ROBO1: variants seen among roughly 807,000 people sequenced by gnomAD.
The protein encoded by ROBO1 is roundabout guidance receptor 1, also known as roundabout homolog 1.
Under a neutral mutation model 195.9 loss-of-function variants are expected in ROBO1, and 149 were observed. The ratio of observed to expected loss-of-function variants is 0.76; its 90% CI spans 0.67 to 0.87. The LOEUF (loss-of-function observed/expected upper bound fraction) is 0.87, where lower values mean the gene tolerates loss of function less well. ROBO1 is among the 40% of genes least tolerant of loss of function. The probability of loss-of-function intolerance (pLI) is 0.00; values close to 1 mark genes in which losing one functional copy is unlikely to be tolerated. For synonymous variants in ROBO1, 816 were observed against 733.2 expected, an observed-to-expected ratio of 1.11 and a Z score of -1.82; for missense variants, 1,933 against 2,068.3, an observed-to-expected ratio of 0.93 and a Z score of 1.27.
At chr3:79,078,735 A>G (rs2079218746) in intron 3 of ROBO1, among the ~76,000 whole-genome samples, 2 of 151,802 alleles carry the variant, frequency 1.3e-5, no homozygotes, top group African/African-American at 4.8e-5. Context: ...CTTTCCATAT[A>G]TCACTACATT....
At chr3:79,551,020 C>G (rs1942489787) in intron 2 of ROBO1, among the ~76,000 whole-genome samples, 1 of 152,120 alleles carries the variant, frequency 6.6e-6, no homozygotes, top group South Asian at 2.1e-4. Context: ...CTCAGCTTTT[C>G]TATGCCCTTC....
chr3:78,629,736 C>T (rs375070588), intron 25 of ROBO1, among the ~76,000 whole-genome samples: 21 of 152,130 alleles, frequency 1.4e-4, no homozygotes, highest in Middle Eastern at 3.4e-3. Context: ...TCTGCAAATT[C>T]GCTGACTTGG....
chr3:79,352,560 C>T (rs763247265), intron 2 of ROBO1, among the ~76,000 whole-genome samples: 5 of 152,142 alleles, frequency 3.3e-5, no homozygotes, highest in Non-Finnish European at 7.4e-5. Flanking sequence ...TTTAATCACA[C>T]GTAGAGCTTC....
chr3:78,954,288 T>TAA (rs1473263962), intron 3 of ROBO1, among the ~76,000 whole-genome samples: 1 of 152,052 alleles, frequency 6.6e-6, no homozygotes, highest in Non-Finnish European at 1.5e-5. Flanking sequence ...ATCCACTGAG[T>TAA]AAATGTATTG....
At chr3:78,754,728 C>T (rs76507765) in intron 4 of ROBO1, among the ~76,000 whole-genome samples, 3,838 of 152,212 alleles carry the variant, frequency 0.025, 65 homozygotes, top group Non-Finnish European at 0.04. Context: ...CAAATAAACA[C>T]ATACATATAC....
chr3:79,066,086 T>C (rs1456879131), intron 3 of ROBO1, among the ~76,000 whole-genome samples: 6 of 151,810 alleles, frequency 4.0e-5, no homozygotes, highest in South Asian at 2.1e-4. Context: ...TTACAGAAAA[T>C]ACAGAGTTCA....
intron 2 of ROBO1, among the ~76,000 whole-genome samples, chr3:79,318,264 A>G (rs1464316699): frequency 6.6e-6 from 1 of 152,208 alleles, no homozygotes; most frequent in Non-Finnish European, 1.5e-5. Flanking sequence ...TGGGCTCCCT[A>G]TGGTTCAGCA....
intron 2 of ROBO1, among the ~76,000 whole-genome samples, chr3:79,146,758 T>C (rs1054880925): frequency 2.6e-5 from 4 of 151,866 alleles, no homozygotes; most frequent in Admixed American, 6.6e-5. Context: ...TAGGACAAAA[T>C]AGAAAATGCT....
chr3:79,425,916 G>A (rs975160429), intron 2 of ROBO1, among the ~76,000 whole-genome samples: 2 of 152,092 alleles, frequency 1.3e-5, no homozygotes, highest in African/African-American at 4.8e-5. Flanking sequence ...GTATATATCT[G>A]TTCTCATTCC....
At chr3:78,628,480 C>T (rs1258940006) in intron 25 of ROBO1, among the ~76,000 whole-genome samples, 4 of 152,104 alleles carry the variant, frequency 2.6e-5, no homozygotes, top group East Asian at 1.9e-4. Flanking sequence ...GTGGGAAGCA[C>T]GATGGATCTG....
In ROBO1 at chr3:78,844,453, G is replaced by A. The variant is rs151050095; in HGVS notation, c.499+94148C>T. On this transcript the variant is annotated intron_variant, in intron 4 of 30. Coordinates refer to ENST00000464233, the MANE Select transcript of ROBO1 (RefSeq NM_002941.4). The stretch of plus-strand genomic sequence containing the variant: ...TTAGAAAAGAAGTTTGTGATATGCC[G>A]TAATTTTACAGGAACAAACAAAAGG... Among the ~76,000 whole-genome samples, 790 of 152,094 alleles carry A rather than the reference G, an allele frequency of 5.2e-3. 9 individuals are homozygous for A. Among genetic ancestry groups the A allele is most frequent in the African/African-American group, 0.017 (716 of 41,518 alleles).
chr3:78,661,982 T>C lies in ROBO1; in HGVS notation c.2088+11A>G. 6.2e-7 allele frequency: 1 copy of C among 1,605,110 alleles called. No homozygotes were observed. Among genetic ancestry groups the C allele is most frequent in the Non-Finnish European group, 8.5e-7 (1 of 1,176,350 alleles). On this transcript the variant is annotated intron_variant, in intron 15 of 30. Coordinates refer to ENST00000464233, the MANE Select transcript of ROBO1 (RefSeq NM_002941.4). ...TTATTAAAACTGAGATCAAATATTG[T>C]AACAACTCACTGTCCAGTGCACTTC...
intron 3 of ROBO1, among the ~76,000 whole-genome samples, chr3:79,032,569 C>G (rs1014645457): frequency 6.6e-6 from 1 of 151,938 alleles, no homozygotes; most frequent in South Asian, 2.1e-4. Context: ...GCAATAGAAT[C>G]TCTCTCTATA....
chr3:79,346,483 GAACCTATT>G (rs1336105243), intron 2 of ROBO1, among the ~76,000 whole-genome samples: 3 of 151,930 alleles, frequency 2.0e-5, no homozygotes, highest in African/African-American at 7.3e-5. Context: ...GGTTTTATCA[GAACCTATT>G]AACTCTTTAA....
intron 2 of ROBO1, among the ~76,000 whole-genome samples, chr3:79,523,310 A>C (rs1941288312): frequency 6.6e-6 from 1 of 152,034 alleles, no homozygotes; most frequent in South Asian, 2.1e-4. Flanking sequence ...AATTGGCTAG[A>C]CTTAATCATT....
At chr3:79,605,838 A>C (rs773235104) in intron 1 of ROBO1, among the ~76,000 whole-genome samples, 41 of 152,060 alleles carry the variant, frequency 2.7e-4, no homozygotes, top group Non-Finnish European at 3.2e-4. Context: ...TCGCCTAACC[A>C]GTTCCTCCAT....
chr3:79,118,863 CAAAAAA>C (rs532805479), intron 3 of ROBO1, among the ~76,000 whole-genome samples: 1 of 69,690 alleles, frequency 1.4e-5, no homozygotes, highest in Admixed American at 1.7e-4. Flanking sequence ...GACTCCAACT[CAAAAAA>C]AAAAAAAAAA....
intron 5 of ROBO1, among the ~76,000 whole-genome samples, chr3:78,745,043 C>T (rs1333310813): frequency 1.3e-5 from 2 of 152,098 alleles, no homozygotes; most frequent in African/African-American, 2.4e-5. Context: ...GGCGTGGTGG[C>T]TCATGCCTGT....
intron 2 of ROBO1, among the ~76,000 whole-genome samples, chr3:79,555,366 C>T (rs766821728): frequency 2.6e-5 from 4 of 151,984 alleles, no homozygotes; most frequent in Non-Finnish European, 4.4e-5. Context: ...ATTCAAACTA[C>T]AAGAAGCATA....
Sources: allele counts gnomAD v4.1 joint callset (sites outside exome capture counted in the v4.1 genomes callset), GRCh38; gene constraint gnomAD v4.1.1; transcripts MANE v1.5; gene names NCBI Gene and HGNC (gene_info 2026-07-23, HGNC 2026-07-21).